Variants in PCDH11Y observed in about 807,000 individuals in gnomAD.
The protein encoded by PCDH11Y is protocadherin-11 Y-linked.
For synonymous variants in PCDH11Y, 9 were observed against 83.6 expected (o/e 0.11, Z 4.87); for missense variants, 12 against 224.8 (o/e 0.05, Z 6.05).
intron 4 of PCDH11Y, among the ~76,000 whole-genome samples, chrY:5,584,686 A>G: frequency 2.2e-4 from 6 of 27,460 alleles, no homozygotes; most frequent in Admixed American, 1.4e-3. Context: ...TTCATCAACC[A>G]GGTTTTAAGC....
chrY:5,530,184 G>A, intron 3 of PCDH11Y, among the ~76,000 whole-genome samples: 1 of 32,050 alleles, frequency 3.1e-5, no homozygotes, highest in Admixed American at 2.9e-4. Flanking sequence ...CAATGACAGA[G>A]GTGGGTGGAT....
intron 2 of PCDH11Y, among the ~76,000 whole-genome samples, chrY:5,123,135 A>G (rs2052820937): frequency 9.2e-5 from 3 of 32,460 alleles, no homozygotes; most frequent in Non-Finnish European, 2.3e-4. Flanking sequence ...ATCAGGGAAC[A>G]TGGTTTGTAA....
intron 2 of PCDH11Y, among the ~76,000 whole-genome samples, chrY:5,300,901 A>G (rs2053081234): frequency 2.9e-5 from 1 of 34,460 alleles, no homozygotes; most frequent in Non-Finnish European, 7.4e-5. Context: ...AGACCACAGC[A>G]ATTTTTTGTA....
At chrY:5,522,102 T>A in intron 3 of PCDH11Y, among the ~76,000 whole-genome samples, 1 of 32,379 alleles carries the variant, frequency 3.1e-5, no homozygotes, top group African/African-American at 1.2e-4. Flanking sequence ...CTCGATCTCC[T>A]GACCTTGTGA....
chrY:5,564,887 G>A (rs2053432787), intron 3 of PCDH11Y, among the ~76,000 whole-genome samples: 1 of 32,383 alleles, frequency 3.1e-5, no homozygotes. Flanking sequence ...CCCTGGGAGT[G>A]TAGCCTGGAA....
intron 4 of PCDH11Y, among the ~76,000 whole-genome samples, chrY:5,636,678 G>A (rs2053518084): frequency 3.0e-5 from 1 of 32,890 alleles, no homozygotes; most frequent in Non-Finnish European, 7.5e-5. Context: ...TTAATCATGT[G>A]AACTAGTTTT....
intron 2 of PCDH11Y, among the ~76,000 whole-genome samples, chrY:5,385,708 G>T (rs2124675165): frequency 3.0e-5 from 1 of 33,495 alleles, no homozygotes; most frequent in East Asian, 8.0e-4. Flanking sequence ...CCATTCTTGT[G>T]GGAGTAAGGT....
chrY:5,360,735 T>G, intron 2 of PCDH11Y, among the ~76,000 whole-genome samples: 1 of 32,707 alleles, frequency 3.1e-5, no homozygotes, highest in Non-Finnish European at 7.4e-5. Flanking sequence ...GAAATAAAAG[T>G]CAAACATCTT....
chrY:5,471,649 A>G (rs2124684764), intron 2 of PCDH11Y, among the ~76,000 whole-genome samples: 1 of 32,554 alleles, frequency 3.1e-5, no homozygotes, highest in Non-Finnish European at 7.7e-5. Context: ...TTTCAAAACT[A>G]TTAATTCCTA....
chrY:5,664,817 G>T, intron 4 of PCDH11Y, among the ~76,000 whole-genome samples: 1 of 31,580 alleles, frequency 3.2e-5, no homozygotes, highest in African/African-American at 1.2e-4. Context: ...GGTCAGACTG[G>T]TCTTGAACTC....
At chrY:5,562,597 T>G (rs1602943543) in intron 3 of PCDH11Y, among the ~76,000 whole-genome samples, 1 of 27,409 alleles carries the variant, frequency 3.6e-5, no homozygotes, top group South Asian at 9.1e-4. Context: ...CCGTCTCTAC[T>G]AAAAATACAA....
chrY:5,519,253 G>A (rs2053376680), intron 3 of PCDH11Y, among the ~76,000 whole-genome samples: 1 of 31,670 alleles, frequency 3.2e-5, no homozygotes, highest in African/African-American at 1.2e-4. Flanking sequence ...AGCTGGGCGT[G>A]GTGGCGGGCG....
At chrY:5,440,772 G>T (rs1159265488) in intron 2 of PCDH11Y, among the ~76,000 whole-genome samples, 7 of 28,289 alleles carry the variant, frequency 2.5e-4, no homozygotes, top group Non-Finnish European at 3.5e-4. Flanking sequence ...GAGAGAGAGA[G>T]AGAGAGAGAG....
At chrY:5,470,500 G>C in intron 2 of PCDH11Y, among the ~76,000 whole-genome samples, 1 of 30,755 alleles carries the variant, frequency 3.3e-5, no homozygotes, top group African/African-American at 1.3e-4. Context: ...CTTGTGAAAA[G>C]CTGTCATCAG....
intron 4 of PCDH11Y, among the ~76,000 whole-genome samples, chrY:5,599,351 T>G: frequency 6.1e-5 from 2 of 33,002 alleles, no homozygotes; most frequent in Non-Finnish European, 1.5e-4. Flanking sequence ...AAATGAAGGC[T>G]TTCATGAAAA....
chrY:5,446,298 TA>T (rs2053287701), intron 2 of PCDH11Y, among the ~76,000 whole-genome samples: 1 of 34,012 alleles, frequency 2.9e-5, no homozygotes, highest in Non-Finnish European at 7.4e-5. Context: ...TGCTGATACT[TA>T]AGTGCTAAAG....
At chrY:5,460,149 A>G in intron 2 of PCDH11Y, among the ~76,000 whole-genome samples, 3 of 33,068 alleles carry the variant, frequency 9.1e-5, no homozygotes, top group African/African-American at 1.2e-4. Context: ...TGAATTTCCA[A>G]TGATAGGTTT....
intron 2 of PCDH11Y, among the ~76,000 whole-genome samples, chrY:5,368,004 A>G (rs2124672826): frequency 3.1e-5 from 1 of 32,135 alleles, no homozygotes; most frequent in South Asian, 7.2e-4. Context: ...ATCTGTCTAA[A>G]AAAAGAAAAA....
At chrY:5,716,247 A>G (rs2053589953) in intron 4 of PCDH11Y, among the ~76,000 whole-genome samples, 2 of 32,854 alleles carry the variant, frequency 6.1e-5, no homozygotes, top group Admixed American at 5.7e-4. Context: ...GCAATCAGAC[A>G]AGAGAAATAC....
Sources: allele counts gnomAD v4.1 joint callset (sites outside exome capture counted in the v4.1 genomes callset), GRCh38; gene constraint gnomAD v4.1.1; transcripts MANE v1.5; gene names NCBI Gene and HGNC (gene_info 2026-07-23, HGNC 2026-07-21).